Variants in TMX2 observed in about 807,000 individuals in gnomAD.
TMX2 encodes thioredoxin-related transmembrane protein 2.
Under a neutral mutation model 33.4 loss-of-function variants are expected in TMX2, and 20 were observed. The observed-to-expected ratio is 0.60, with a 90% CI of 0.42 to 0.87. The LOEUF is 0.87. Ranked by LOEUF, TMX2 falls within the 40% of genes least tolerant of loss-of-function variation. The pLI, the probability that TMX2 is intolerant of heterozygous loss-of-function variation, is 0.00. For synonymous variants in TMX2, 166 were observed against 140.7 expected, an observed-to-expected ratio of 1.18 and a Z score of -1.27; for missense variants, 340 against 370.7, an observed-to-expected ratio of 0.92 and a Z score of 0.68.
chr11:57,717,717 G>GAGGGAGC, intron 1 of TMX2, among the ~76,000 whole-genome samples: 1 of 54,584 alleles, frequency 1.8e-5, no homozygotes, highest in Admixed American at 1.9e-4. Flanking sequence ...GGGAGACCGA[G>GAGGGAGC]AGGGAGAGGG....
intron 1 of TMX2, among the ~76,000 whole-genome samples, chr11:57,722,506 TAAAG>T (rs1947703271): frequency 6.6e-6 from 1 of 152,200 alleles, no homozygotes; most frequent in African/African-American, 2.4e-5. Context: ...AACAGGCAAA[TAAAG>T]TATCTTTTGA....
At chr11:57,731,478 A>C (rs1948406646) in intron 1 of TMX2, among the ~76,000 whole-genome samples, 1 of 143,152 alleles carries the variant, frequency 7.0e-6, no homozygotes, top group Non-Finnish European at 1.5e-5. Flanking sequence ...AAATTAAATC[A>C]ATGTATTTGA....
intron 1 of TMX2, among the ~76,000 whole-genome samples, chr11:57,717,720 G>T: frequency 1.2e-5 from 1 of 80,496 alleles, no homozygotes; most frequent in Non-Finnish European, 2.2e-5. Flanking sequence ...AGACCGAGAG[G>T]GAGAGGGGAG....
chr11:57,724,695 A>G (rs550947807), intron 1 of TMX2, among the ~76,000 whole-genome samples: 1 of 152,154 alleles, frequency 6.6e-6, no homozygotes, highest in Non-Finnish European at 1.5e-5. Flanking sequence ...TGTTTAAACA[A>G]GCTTTATCTA....
At position 57,737,673 on chromosome 11, in the gene TMX2, G is replaced by C; in HGVS notation, c.250+5G>C. Reference sequence around the variant, plus strand: ...TGATGAAGAACCGCAGATCCAGTAAGTTTAGTTCACTTCTCAGACTCAAGG... The same window carrying C: ...TGATGAAGAACCGCAGATCCAGTAACTTTAGTTCACTTCTCAGACTCAAGG... On this transcript the variant is annotated splice_donor_5th_base_variant and intron_variant, in intron 2 of 7. Coordinates refer to ENST00000278422, the MANE Select transcript of TMX2 (RefSeq NM_015959.4). The C allele has an allele frequency of 6.2e-7, 1 of 1,613,790 alleles. No homozygotes were observed. Among genetic ancestry groups the C allele is most frequent in the South Asian group, 1.1e-5 (1 of 91,070 alleles).
intron 1 of TMX2, among the ~76,000 whole-genome samples, chr11:57,734,608 C>T (rs1948627414): frequency 6.6e-6 from 1 of 150,566 alleles, no homozygotes; most frequent in Non-Finnish European, 1.5e-5. Context: ...GTTCACCGGG[C>T]GTGGGGGCAG....
chr11:57,725,211 G>C lies in TMX2; in HGVS notation c.190-12397G>C, dbSNP rs552960454. ...TATCGGGGCTGATGGCAAAAACTAA[G>C]CCCTGACTTTTTAAGTGCAGATTAA... On this transcript the variant is annotated intron_variant, in intron 1 of 7. Coordinates refer to ENST00000278422, the MANE Select transcript of TMX2 (RefSeq NM_015959.4). Among the ~76,000 whole-genome samples, 11 of 152,148 alleles carry C rather than the reference G, an allele frequency of 7.2e-5. No individual in the cohort carries two copies. In the South Asian group the frequency reaches 2.3e-3, roughly 32 times the overall value.
At chr11:57,721,345 G>GTTTTTTT (rs71061532) in intron 1 of TMX2, among the ~76,000 whole-genome samples, 21 of 105,264 alleles carry the variant, frequency 2.0e-4, no homozygotes, top group Non-Finnish European at 3.9e-4. Flanking sequence ...AATAAATAAA[G>GTTTTTTT]TTTTTTTTTT....
At chr11:57,727,187 CCATTT>C in intron 1 of TMX2, among the ~76,000 whole-genome samples, 1 of 152,250 alleles carries the variant, frequency 6.6e-6, no homozygotes, top group East Asian at 1.9e-4. Flanking sequence ...AAGCCTGACT[CCATTT>C]CACCCCTTAA....
intron 1 of TMX2, among the ~76,000 whole-genome samples, chr11:57,734,257 C>T (rs1284177542): frequency 6.6e-6 from 1 of 150,712 alleles, no homozygotes; most frequent in Non-Finnish European, 1.5e-5. Context: ...ATTCACATTC[C>T]ATTCTCAAGT....
Position 57,740,122 on chromosome 11 carries a change from C to T in TMX2, c.768C>T (p.Asn256=), listed in dbSNP as rs754112089. The part of the protein sequence containing the change: ...FSEENVIREF[N]LNELYQRAKK... Reference sequence around the variant, plus strand: ...AGGAGAATGTGATCCGAGAATTTAACTTAAATGAGCTATACCAGCGGGCCA... The same window carrying T: ...AGGAGAATGTGATCCGAGAATTTAATTTAAATGAGCTATACCAGCGGGCCA... Residue 256 remains asparagine (N), a synonymous_variant, in exon 8 of 8, where the codon AAC becomes AAT. Coordinates refer to ENST00000278422, the MANE Select transcript of TMX2 (RefSeq NM_015959.4). 9.3e-6 allele frequency: 15 copies of T among 1,613,830 alleles called. No homozygotes were observed. Among genetic ancestry groups the T allele is most frequent in the African/African-American group, 1.3e-5 (1 of 74,904 alleles).
chr11:57,733,291 T>C (rs564147018), intron 1 of TMX2, among the ~76,000 whole-genome samples: 19 of 148,838 alleles, frequency 1.3e-4, no homozygotes, highest in African/African-American at 3.7e-4. Context: ...GTTTCACTCT[T>C]GTCGCCCAGG....
chr11:57,714,381 C>T (rs1477547384), intron 1 of TMX2, among the ~76,000 whole-genome samples: 1 of 152,124 alleles, frequency 6.6e-6, no homozygotes, highest in Non-Finnish European at 1.5e-5. Flanking sequence ...TGGAACAAGA[C>T]AAACAAAGCT....
chr11:57,740,084 A>G lies in TMX2; in HGVS notation c.745-15A>G. The G allele has an allele frequency of 6.2e-7, 1 of 1,613,836 alleles. No individual in the cohort carries two copies. The highest frequency in any genetic ancestry group is 8.5e-7 in the Non-Finnish European group (1 of 1,179,818). On this transcript the variant is annotated splice_polypyrimidine_tract_variant and intron_variant, in intron 7 of 7. Coordinates refer to ENST00000278422, the MANE Select transcript of TMX2 (RefSeq NM_015959.4). ...TTCCAACCCAGATCCTGACGTGTGC[A>G]TCTCTTTTGTGCAGGAGAATGTGAT...
At chr11:57,721,144 T>C (rs1346380170) in intron 1 of TMX2, among the ~76,000 whole-genome samples, 1 of 151,372 alleles carries the variant, frequency 6.6e-6, no homozygotes, top group Non-Finnish European at 1.5e-5. Flanking sequence ...TCTACTAACA[T>C]ACAAAATATT....
At chr11:57,734,182 A>G (rs1220802305) in intron 1 of TMX2, among the ~76,000 whole-genome samples, 6 of 150,728 alleles carry the variant, frequency 4.0e-5, no homozygotes, top group Non-Finnish European at 7.4e-5. Flanking sequence ...AAAAAAAAAA[A>G]AAAAAGGACT....
chr11:57,725,032 G>C (rs1240373401), intron 1 of TMX2, among the ~76,000 whole-genome samples: 8 of 141,532 alleles, frequency 5.7e-5, no homozygotes, highest in East Asian at 2.0e-4. Flanking sequence ...GAGTGAGACT[G>C]TGTCTCAAAA....
chr11:57,720,599 C>T (rs1236145436), intron 1 of TMX2, among the ~76,000 whole-genome samples: 4 of 152,212 alleles, frequency 2.6e-5, no homozygotes, highest in African/African-American at 4.8e-5. Flanking sequence ...AGTTTCACCA[C>T]GTTAGTTAGG....
At chr11:57,715,005 G>C (rs1946882865) in intron 1 of TMX2, among the ~76,000 whole-genome samples, 1 of 152,156 alleles carries the variant, frequency 6.6e-6, no homozygotes, top group Non-Finnish European at 1.5e-5. Context: ...ATTTTCATTA[G>C]ACTTTGGAAA....
Sources: allele counts gnomAD v4.1 joint callset (sites outside exome capture counted in the v4.1 genomes callset), GRCh38; gene constraint gnomAD v4.1.1; transcripts MANE v1.5; gene names NCBI Gene and HGNC (gene_info 2026-07-23, HGNC 2026-07-21).